FBXL4: variants seen among roughly 807,000 people sequenced by gnomAD.
The protein encoded by FBXL4 is F-box and leucine rich repeat protein 4, also known as F-box/LRR-repeat protein 4.
FBXL4 carries 40 observed loss-of-function variants against 58.9 expected under a neutral mutation model. The observed-to-expected ratio is 0.68, with a 90% CI of 0.53 to 0.88. The LOEUF is 0.88. FBXL4 is among the 40% of genes least tolerant of loss of function. The pLI, the probability that FBXL4 is intolerant of heterozygous loss-of-function variation, is 0.00. For synonymous variants in FBXL4, 263 were observed against 265.5 expected (o/e 0.99, Z 0.09); for missense variants, 676 against 734.4 (o/e 0.92, Z 0.92).
intron 7 of FBXL4, among the ~76,000 whole-genome samples, chr6:98,881,199 C>T (rs1426244780): frequency 1.3e-5 from 2 of 152,152 alleles, no homozygotes; most frequent in African/African-American, 4.8e-5. Context: ...AACATGCTGA[C>T]TGAAATATAT....
At chr6:98,924,481 C>T (rs915765677) in intron 4 of FBXL4, among the ~76,000 whole-genome samples, 1 of 152,056 alleles carries the variant, frequency 6.6e-6, no homozygotes, top group Admixed American at 6.6e-5. Context: ...CTCATTAACC[C>T]GAGAGGCAGA....
chr6:98,874,312 G>A lies in FBXL4; in HGVS notation c.1832C>T (p.Pro611Leu). The A allele has an allele frequency of 6.2e-7, 1 of 1,605,646 alleles. No individual in the cohort carries two copies. The highest frequency in any genetic ancestry group is 1.7e-5 in the Admixed American group (1 of 57,150). ...AAAGCTCTTTTTTATGAACACTTTT[G>A]GAAAGCTTGCATTCAGTTCTAGCAC... The part of the protein sequence containing the change: ...RAVLELNASF[P>L]KVFIKKSFTQ The change falls in exon 10 of 10, where the codon CCA becomes CTA. Residue 611 changes from proline to leucine, a missense_variant. Transcript: ENST00000369244.
At chr6:98,920,423 T>A (rs1772534771) in intron 4 of FBXL4, among the ~76,000 whole-genome samples, 2 of 152,124 alleles carry the variant, frequency 1.3e-5, no homozygotes, top group African/African-American at 4.8e-5. Context: ...AAGTGGAATA[T>A]CAGGATTGTA....
chr6:98,916,357 C>T (rs1772345860), intron 5 of FBXL4, among the ~76,000 whole-genome samples: 1 of 152,166 alleles, frequency 6.6e-6, no homozygotes, highest in Non-Finnish European at 1.5e-5. Context: ...GCTAGAAAGA[C>T]ACATGCACAC....
chr6:98,905,630 A>G lies in FBXL4; in HGVS notation c.899T>C (p.Leu300Pro). The change falls in exon 6 of 10, where the codon CTG (leucine) becomes CCG (proline). Residue 300 changes from leucine to proline, a missense_variant. Physicochemically the swap from Leu to Pro is moderately conservative, Grantham distance 98. Coordinates refer to ENST00000369244, the MANE Select transcript of FBXL4 (RefSeq NM_001278716.2). ...LILNHLTLPD[L>P]CRLAQTCKLL... Reference sequence around the variant, plus strand: ...TTTGCAAGTCTGTGCTAATCTACACAGGTCTGGTAGTGTAAGATGATTCAG... The same window carrying G: ...TTTGCAAGTCTGTGCTAATCTACACGGGTCTGGTAGTGTAAGATGATTCAG... The G allele has an allele frequency of 6.2e-7, 1 of 1,613,858 alleles. No homozygotes were observed. The highest frequency in any genetic ancestry group is 8.5e-7 in the Non-Finnish European group (1 of 1,179,832).
chr6:98,908,163 TAAG>T (rs1267392808), intron 5 of FBXL4, among the ~76,000 whole-genome samples: 2 of 152,180 alleles, frequency 1.3e-5, no homozygotes, highest in Non-Finnish European at 2.9e-5. Context: ...AGGTCTAAAA[TAAG>T]AAGTTTCTTC....
rs1014918968 is a variant in FBXL4 at position 98,870,623 on chromosome 6, T to A, written c.*3655A>T. 6.6e-6 allele frequency: 1 copy of A among 152,208 alleles called. No individual in the cohort carries two copies. The highest frequency in any genetic ancestry group is 1.5e-5 in the Non-Finnish European group (1 of 68,030). The allele number at this position is 152,208 out of a possible 1,614,324, so 9.4% of individuals were successfully genotyped here. A position where few individuals can be genotyped will look rare whatever the true frequency, so the allele number is the denominator to read the frequency against. On this transcript the variant is annotated 3_prime_UTR_variant, in exon 10 of 10. Transcript: ENST00000369244. ...TTGTCATACCACAATATTTTTAAAT[T>A]TTTTATTACTAGTGCTTACCCATAA...
intron 1 of FBXL4, among the ~76,000 whole-genome samples, chr6:98,939,704 C>T (rs1773360682): frequency 6.6e-6 from 1 of 152,234 alleles, no homozygotes; most frequent in South Asian, 2.1e-4. Context: ...TGACTTCTCG[C>T]TGCTACTTGG....
chr6:98,925,934 A>C (rs1772759551), intron 4 of FBXL4, among the ~76,000 whole-genome samples: 1 of 152,176 alleles, frequency 6.6e-6, no homozygotes, highest in African/African-American at 2.4e-5. Context: ...TGAATGACAA[A>C]AACGACAGCC....
chr6:98,889,550 G>A (rs1159803134), intron 7 of FBXL4, among the ~76,000 whole-genome samples: 1 of 151,864 alleles, frequency 6.6e-6, no homozygotes, highest in East Asian at 1.9e-4. Context: ...GCACGGTGGT[G>A]CATGCCTATA....
At chr6:98,936,552 G>C (rs1002566601) in intron 1 of FBXL4, among the ~76,000 whole-genome samples, 1 of 152,118 alleles carries the variant, frequency 6.6e-6, no homozygotes, top group Admixed American at 6.5e-5. Flanking sequence ...ACGACAATGA[G>C]GATGAATACC....
intron 7 of FBXL4, 95 bp from the exon 8 acceptor site, chr6:98,880,719 T>C (rs1770823368): frequency 1.9e-6 from 2 of 1,029,108 alleles, no homozygotes; most frequent in Admixed American, 1.9e-5. Flanking sequence ...CTGTCACTGC[T>C]TTTCCTGAAA....
rs1198733887 is a variant in FBXL4, at chr6:98,869,739, T to G, written c.*4539A>C. 6.6e-6 allele frequency: 1 copy of G among 152,196 alleles called. No individual in the cohort carries two copies. Among genetic ancestry groups the G allele is most frequent in the Non-Finnish European group, 1.5e-5 (1 of 68,036 alleles). The allele number at this position is 152,196 out of a possible 1,614,324, so 9.4% of individuals were successfully genotyped here. A position where few individuals can be genotyped will look rare whatever the true frequency, so the allele number is the denominator to read the frequency against. On this transcript the variant is annotated 3_prime_UTR_variant, in exon 10 of 10. Transcript: ENST00000369244. ...TATCATTACACTTCACATATGAGTT[T>G]TAGTCTTCAGTTAATTCCTGGGAAA...
At chr6:98,922,109 G>T (rs369478132) in intron 4 of FBXL4, among the ~76,000 whole-genome samples, 125 of 152,288 alleles carry the variant, frequency 8.2e-4, no homozygotes, top group African/African-American at 2.9e-3. Flanking sequence ...TGTGTTTTTA[G>T]TAGAGACGGG....
At chr6:98,930,345 G>A (rs908512954) in intron 2 of FBXL4, among the ~76,000 whole-genome samples, 4 of 152,182 alleles carry the variant, frequency 2.6e-5, no homozygotes, top group Non-Finnish European at 5.9e-5. Flanking sequence ...ACTTGAGCCC[G>A]CCGGGGCGGA....
At chr6:98,911,723 T>C in intron 5 of FBXL4, among the ~76,000 whole-genome samples, 1 of 151,654 alleles carries the variant, frequency 6.6e-6, no homozygotes, top group Non-Finnish European at 1.5e-5. Flanking sequence ...ACCACAAAGA[T>C]GGGGGAAAAA....
chr6:98,910,133 A>T (rs886450381), intron 5 of FBXL4, among the ~76,000 whole-genome samples: 1 of 152,240 alleles, frequency 6.6e-6, no homozygotes, highest in Non-Finnish European at 1.5e-5. Flanking sequence ...GAAAACTGAT[A>T]TACATTTTTA....
intron 8 of FBXL4, among the ~76,000 whole-genome samples, chr6:98,879,422 G>A (rs1279755692): frequency 2.0e-5 from 3 of 152,084 alleles, no homozygotes; most frequent in South Asian, 2.1e-4. Context: ...ATTCACTTAC[G>A]GTATGTGTGC....
chr6:98,887,108 T>TA (rs761787301), intron 7 of FBXL4, among the ~76,000 whole-genome samples: 6 of 151,458 alleles, frequency 4.0e-5, no homozygotes, highest in African/African-American at 7.3e-5. Flanking sequence ...TAAATAAAAA[T>TA]AAAAAAAATT....
Sources: gnomAD v4.1 joint callset for allele counts (sites outside exome capture counted in the v4.1 genomes callset) on GRCh38, gnomAD v4.1.1 for gene constraint, MANE v1.5 for transcripts, NCBI Gene and HGNC (gene_info 2026-07-23, HGNC 2026-07-21) for gene names.